FBRSL1: variants seen among roughly 807,000 people sequenced by gnomAD.
FBRSL1 encodes the protein fibrosin like 1, also known as fibrosin-1-like protein.
A neutral mutation model predicts 89.6 loss-of-function variants in FBRSL1; 51 were observed. That is an observed-to-expected ratio of 0.57 (90% CI 0.45 to 0.72). FBRSL1 has a LOEUF of 0.72. Among genes scored for constraint, FBRSL1 ranks in the 30% least tolerant of loss-of-function variants. The pLI is 0.00. For synonymous variants in FBRSL1, 779 were observed against 681.1 expected (o/e 1.14, Z -2.24); for missense variants, 1,618 against 1,451.8 (o/e 1.11, Z -1.86).
rs150371919 is a variant in FBRSL1 at position 132,500,465 on chromosome 12, G to A, written c.292-7688G>A. On this transcript the variant is annotated intron_variant, in intron 1 of 18. Coordinates refer to ENST00000680143, the MANE Select transcript of FBRSL1 (RefSeq NM_001367871.1). The stretch of plus-strand genomic sequence containing the variant: ...CTCTCTGGCCTGGGCTCATGGGGCC[G>A]GCCTCTCTGCTCCCTGTCCTCTGTC... 4.2e-3 allele frequency among the ~76,000 whole-genome samples: 644 copies of A among 152,240 alleles called. 2 individuals are homozygous for A. Among genetic ancestry groups the A allele is most frequent in the Middle Eastern group, 6.8e-3 (2 of 294 alleles).
chr12:132,553,250 C>T (rs2875247), intron 5 of FBRSL1: 65,849 of 152,286 alleles, frequency 0.43, 15,710 homozygotes, highest in Middle Eastern at 0.56. Context: ...CTGCCCACAC[C>T]GGGTGACCGT....
At chr12:132,565,281 C>T (rs2039517488) in intron 5 of FBRSL1, 1 of 152,220 alleles carries the variant, frequency 6.6e-6, no homozygotes, top group Admixed American at 6.5e-5. Flanking sequence ...CTCTTGTGCC[C>T]TCCACCCCCG....
chr12:132,583,849 A>C lies in FBRSL1; in HGVS notation c.*71A>C. 4 of 940,090 alleles carry C rather than the reference A, an allele frequency of 4.3e-6. No homozygotes were observed. The highest frequency in any genetic ancestry group is 4.0e-6 in the Non-Finnish European group (3 of 749,266). 58.2% of individuals were successfully genotyped at this position (940,090 alleles called of 1,614,324 possible). A position where few individuals can be genotyped will look rare whatever the true frequency, so the allele number is the denominator to read the frequency against. On this transcript the variant is annotated 3_prime_UTR_variant, in exon 19 of 19. Transcript: ENST00000680143. ...GTCTCTCCATCAGTTCCTAGAACTC[A>C]AGCACAGCTCCCGCCGATCCTGGGG...
chr12:132,557,071 T>A (rs2038738885), intron 5 of FBRSL1, among the ~76,000 whole-genome samples: 2 of 152,172 alleles, frequency 1.3e-5, no homozygotes, highest in African/African-American at 4.8e-5. Flanking sequence ...TGGGGCAGCA[T>A]GGCTGAGAGG....
At chr12:132,509,925 C>T (rs1444590832) in intron 2 of FBRSL1, 13 of 1,231,362 alleles carry the variant, frequency 1.1e-5, no homozygotes, top group Admixed American at 8.4e-5. Flanking sequence ...CTTCCTAGCC[C>T]CGTGTCAGTA....
In FBRSL1 at chr12:132,567,466, C is replaced by A. The variant is rs1212718192; in HGVS notation, c.646-15C>A. On this transcript the variant is annotated splice_polypyrimidine_tract_variant and intron_variant, in intron 5 of 18. Coordinates refer to ENST00000680143, the MANE Select transcript of FBRSL1 (RefSeq NM_001367871.1). ...ACCACCCTGACTGCCCCTGACCCCC[C>A]TTCTCTCTCTCCAGGCATCCGTGGG... The A allele has an allele frequency of 2.6e-6, 4 of 1,550,988 alleles. No homozygotes were observed. Among genetic ancestry groups the A allele is most frequent in the East Asian group, 2.4e-5 (1 of 40,928 alleles).
At chr12:132,564,337 A>G (rs1356696771) in intron 5 of FBRSL1, among the ~76,000 whole-genome samples, 2 of 149,610 alleles carry the variant, frequency 1.3e-5, no homozygotes, top group Non-Finnish European at 1.5e-5. Context: ...GGACCTAGTA[A>G]TCCACGTGTT....
At chr12:132,495,985 C>T (rs894869893) in intron 1 of FBRSL1, among the ~76,000 whole-genome samples, 1 of 152,248 alleles carries the variant, frequency 6.6e-6, no homozygotes, top group African/African-American at 2.4e-5. Flanking sequence ...CAGGAGTCAC[C>T]GGCCCTCTTC....
chr12:132,536,386 T>C (rs1286229797), intron 4 of FBRSL1, among the ~76,000 whole-genome samples: 1 of 150,594 alleles, frequency 6.6e-6, no homozygotes, highest in Non-Finnish European at 1.5e-5. Flanking sequence ...GTGTGTGCCA[T>C]GTGTACATGA....
chr12:132,576,993 C>G (rs1273513885), intron 15 of FBRSL1, 62 bp downstream of exon 15: 2 of 1,510,766 alleles, frequency 1.3e-6, no homozygotes, highest in Non-Finnish European at 1.8e-6. Context: ...CCAGCTGAGC[C>G]TGCCTTCCTG....
Position 132,583,307 on chromosome 12 carries a change from C to G in FBRSL1, c.2538C>G (p.Gly846=). The G allele has an allele frequency of 8.4e-7, 1 of 1,196,744 alleles. No homozygotes were observed. The highest frequency in any genetic ancestry group is 1.0e-6 in the Non-Finnish European group (1 of 962,862). The allele number at this position is 1,196,744 out of a possible 1,614,324, so 74.1% of individuals were successfully genotyped here. The change falls in exon 19 of 19, where the codon GGC becomes GGG. Residue 846 remains glycine (G), a synonymous_variant. Transcript: ENST00000680143. Reference sequence around the variant, plus strand: ...TCGGCCTGGGCCGCGAGCGCCTGGGCGCGCCGGGCTTCGCGTGGGAGCCTT... The same window carrying G: ...TCGGCCTGGGCCGCGAGCGCCTGGGGGCGCCGGGCTTCGCGTGGGAGCCTT... ...LQLGLGRERL[G]APGFAWEPFR...
chr12:132,509,489 C>T lies in FBRSL1; in HGVS notation c.489+1139C>T, dbSNP rs1003362591. 1.0e-5 allele frequency: 13 copies of T among 1,238,404 alleles called. No individual in the cohort carries two copies. In the Admixed American group the frequency reaches 1.7e-4, roughly 16 times the overall value. 76.7% of individuals were successfully genotyped at this position (1,238,404 alleles called of 1,614,324 possible). A position where few individuals can be genotyped will look rare whatever the true frequency, so the allele number is the denominator to read the frequency against. On this transcript the variant is annotated intron_variant, in intron 2 of 18. Coordinates refer to ENST00000680143, the MANE Select transcript of FBRSL1 (RefSeq NM_001367871.1). Reference sequence around the variant, plus strand: ...AGCTCTGCCAGCCCCAGCGGTCACGCCCGGCCCAGCCCTGCCGGCCGCATT... The same window carrying T: ...AGCTCTGCCAGCCCCAGCGGTCACGTCCGGCCCAGCCCTGCCGGCCGCATT...
rs551800538 is a variant in FBRSL1 at position 132,535,666 on chromosome 12, G to A, written c.615+7678G>A. ...GTGCCCCAAGCACACTAGGCCCAGC[G>A]GGTGCAGGAACCCCCAGAGAAGCCA... On this transcript the variant is annotated intron_variant, in intron 4 of 18. Coordinates refer to ENST00000680143, the MANE Select transcript of FBRSL1 (RefSeq NM_001367871.1). 1.0e-4 allele frequency among the ~76,000 whole-genome samples: 16 copies of A among 152,390 alleles called. 2 individuals carry two copies. The highest frequency in any genetic ancestry group is 3.9e-4 in the Admixed American group (6 of 15,310).
intron 5 of FBRSL1, chr12:132,553,586 G>A (rs887585567): frequency 6.6e-6 from 1 of 152,226 alleles, no homozygotes. Flanking sequence ...CCGGCACAAG[G>A]TGCAGACGTG....
At chr12:132,535,677 C>T (rs1293688944) in intron 4 of FBRSL1, among the ~76,000 whole-genome samples, 2 of 152,276 alleles carry the variant, frequency 1.3e-5, no homozygotes, top group Non-Finnish European at 2.9e-5. Context: ...GGTGCAGGAA[C>T]CCCCAGAGAA....
chr12:132,499,668 G>T lies in FBRSL1; in HGVS notation c.292-8485G>T, dbSNP rs556401297. Among the ~76,000 whole-genome samples, 10 of 151,984 alleles carry T rather than the reference G, an allele frequency of 6.6e-5. No homozygotes were observed. Among genetic ancestry groups the T allele is most frequent in the Non-Finnish European group, 1.3e-4 (9 of 67,968 alleles). On this transcript the variant is annotated intron_variant, in intron 1 of 18. Transcript: ENST00000680143. The surrounding 1 kb of genome is among the most constrained non-coding windows in gnomAD (Gnocchi z 4.3). ...GCAGGTGGTACAGGTTTGGGGTGCC[G>T]GTGGCAGGCAGGCTGGAGACAGCTG... is the stretch of plus-strand genomic sequence containing the variant.
chr12:132,550,382 G>T (rs371118341), intron 5 of FBRSL1, among the ~76,000 whole-genome samples: 15 of 152,322 alleles, frequency 9.8e-5, no homozygotes, highest in African/African-American at 3.4e-4. Flanking sequence ...CCTTCTGGCT[G>T]CGGCAAGGTC....
At chr12:132,530,769 G>A (rs151240071) in intron 4 of FBRSL1, among the ~76,000 whole-genome samples, 1,584 of 150,038 alleles carry the variant, frequency 0.011, 33 homozygotes, top group East Asian at 0.1. Flanking sequence ...CTGGCCTGCT[G>A]CACTGGGGAT....
intron 16 of FBRSL1, 68 bp downstream of exon 16, chr12:132,581,584 A>G: frequency 6.5e-7 from 1 of 1,530,562 alleles, no homozygotes; most frequent in South Asian, 1.2e-5. Flanking sequence ...CGGGGGAATT[A>G]GGTGGGCGGG....
Sources: allele counts gnomAD v4.1 joint callset (sites outside exome capture counted in the v4.1 genomes callset), GRCh38; gene constraint gnomAD v4.1.1; non-coding constraint Gnocchi (gnomAD v3.1); transcripts MANE v1.5; gene names NCBI Gene and HGNC (gene_info 2026-07-23, HGNC 2026-07-21).